Variants in ADGRL3 observed in about 807,000 individuals in gnomAD.
The protein encoded by ADGRL3 is calcium-independent alpha-latrotoxin receptor 3.
ADGRL3 carries 62 observed loss-of-function variants against 153.5 expected under a neutral mutation model. The observed-to-expected ratio is 0.40, with a 90% CI of 0.33 to 0.50. The LOEUF (loss-of-function observed/expected upper bound fraction) is 0.50. Among genes scored for constraint, ADGRL3 ranks in the 20% least tolerant of loss-of-function variants. The probability of loss-of-function intolerance (pLI) is 0.47; values close to 1 mark genes in which losing one functional copy is unlikely to be tolerated. For missense variants in ADGRL3, 1,641 were observed against 1,859.4 expected (o/e 0.88, Z 2.16); for synonymous variants, 710 against 672.5 (o/e 1.06, Z -0.86).
chr4:61,427,508 T>A (rs34759363), intron 2 of ADGRL3: 60,324 of 153,218 alleles, frequency 0.39, 12,435 homozygotes, highest in Middle Eastern at 0.57. Context: ...CATGCACTGC[T>A]GACACTGTTT....
At chr4:61,268,103 G>T (rs945031798) in intron 1 of ADGRL3, among the ~76,000 whole-genome samples, 5 of 151,400 alleles carry the variant, frequency 3.3e-5, no homozygotes, top group African/African-American at 1.2e-4. Context: ...TCTCAAACAC[G>T]GATTCAAGTT....
intron 9 of ADGRL3, among the ~76,000 whole-genome samples, chr4:61,874,934 G>A (rs1033103406): frequency 5.4e-5 from 8 of 148,564 alleles, no homozygotes; most frequent in Non-Finnish European, 1.0e-4. Context: ...TCAGCCTCCC[G>A]AGTAGCTGGG....
chr4:61,278,182 C>G (rs1271611869), intron 1 of ADGRL3, among the ~76,000 whole-genome samples: 1 of 152,036 alleles, frequency 6.6e-6, no homozygotes, highest in Non-Finnish European at 1.5e-5. Flanking sequence ...CTTTGGCTGC[C>G]TATAGTTATG....
chr4:61,910,619 A>G (rs1369129828), intron 12 of ADGRL3, among the ~76,000 whole-genome samples: 1 of 151,856 alleles, frequency 6.6e-6, no homozygotes, highest in African/African-American at 2.4e-5. Context: ...GAGATGTTCA[A>G]TGATTGAAAC....
At chr4:62,008,644 A>G (rs1372620881) in intron 21 of ADGRL3, among the ~76,000 whole-genome samples, 1 of 151,448 alleles carries the variant, frequency 6.6e-6, no homozygotes, top group Non-Finnish European at 1.5e-5. Context: ...TTTCTCCTTC[A>G]TATTAATATA....
chr4:61,290,565 G>T (rs1174969994), intron 1 of ADGRL3, among the ~76,000 whole-genome samples: 2 of 151,792 alleles, frequency 1.3e-5, no homozygotes, highest in Non-Finnish European at 2.9e-5. Flanking sequence ...GAACAATTGA[G>T]CCCAGGAGGT....
At chr4:61,377,504 T>C (rs1158883670) in intron 1 of ADGRL3, among the ~76,000 whole-genome samples, 1 of 152,034 alleles carries the variant, frequency 6.6e-6, no homozygotes, top group African/African-American at 2.4e-5. Flanking sequence ...AAATCAATTA[T>C]ATGTTTTTCA....
intron 5 of ADGRL3, among the ~76,000 whole-genome samples, chr4:61,622,950 C>T (rs182650300): frequency 6.6e-6 from 1 of 151,968 alleles, no homozygotes; most frequent in Admixed American, 6.6e-5. Flanking sequence ...ATGAGAAAAC[C>T]ACCTATTTCC....
At chr4:61,941,159 G>C (rs1395618090) in intron 15 of ADGRL3, among the ~76,000 whole-genome samples, 2 of 88,330 alleles carry the variant, frequency 2.3e-5, no homozygotes, top group Non-Finnish European at 4.2e-5. Context: ...TGGCTAGCCA[G>C]TTTTCCCAGC....
At chr4:61,307,322 A>T (rs1385948355) in intron 1 of ADGRL3, among the ~76,000 whole-genome samples, 3 of 152,290 alleles carry the variant, frequency 2.0e-5, no homozygotes, top group African/African-American at 7.2e-5. Context: ...CAATTCTGAG[A>T]TATTATGTCT....
intron 1 of ADGRL3, among the ~76,000 whole-genome samples, chr4:61,358,624 A>C (rs1267822913): frequency 1.3e-5 from 2 of 150,316 alleles, no homozygotes; most frequent in Non-Finnish European, 3.0e-5. Context: ...AAAAGAAAGC[A>C]GACCATTGAT....
intron 2 of ADGRL3, among the ~76,000 whole-genome samples, chr4:61,488,441 A>C (rs1410670484): frequency 2.0e-5 from 3 of 151,962 alleles, no homozygotes; most frequent in African/African-American, 7.2e-5. Flanking sequence ...TTAACCATAA[A>C]ATTCACTGAA....
intron 17 of ADGRL3, among the ~76,000 whole-genome samples, chr4:61,950,523 GTATAACAAGGC>G (rs2098943056): frequency 6.6e-6 from 1 of 152,146 alleles, no homozygotes; most frequent in Non-Finnish European, 1.5e-5. Flanking sequence ...TACACAATAA[GTATAACAAGGC>G]TAGTGTTTAA....
At chr4:61,872,094 A>G (rs2149395853) in intron 9 of ADGRL3, among the ~76,000 whole-genome samples, 1 of 152,318 alleles carries the variant, frequency 6.6e-6, no homozygotes, top group South Asian at 2.1e-4. Context: ...TGCCTGGCAC[A>G]CAGTGTATGT....
chr4:61,384,351 G>A (rs2096710374), intron 2 of ADGRL3, among the ~76,000 whole-genome samples: 1 of 151,460 alleles, frequency 6.6e-6, no homozygotes, highest in Admixed American at 6.6e-5. Flanking sequence ...AGTCACATTT[G>A]CAAACAATTA....
At chr4:61,985,776 C>T (rs1201932727) in intron 19 of ADGRL3, among the ~76,000 whole-genome samples, 1 of 152,012 alleles carries the variant, frequency 6.6e-6, no homozygotes, top group Non-Finnish European at 1.5e-5. Context: ...AGTATAGTGA[C>T]AGGCTATATA....
At chr4:61,242,914 C>T (rs952202121) in intron 1 of ADGRL3, among the ~76,000 whole-genome samples, 24 of 152,022 alleles carry the variant, frequency 1.6e-4, no homozygotes, top group African/African-American at 4.8e-4. Flanking sequence ...TTATGCAAGG[C>T]GCTTTTTAGC....
At chr4:61,639,092 T>G (rs560146397) in intron 5 of ADGRL3, among the ~76,000 whole-genome samples, 1 of 152,088 alleles carries the variant, frequency 6.6e-6, no homozygotes, top group East Asian at 1.9e-4. Context: ...CCAAAGACAA[T>G]AGTGAGGTTA....
intron 1 of ADGRL3, among the ~76,000 whole-genome samples, chr4:61,375,812 A>G (rs867595528): frequency 3.9e-5 from 6 of 152,230 alleles, no homozygotes; most frequent in Middle Eastern, 6.8e-3. Flanking sequence ...TTTAGAATTC[A>G]TATTTGTAGA....
Sources: gnomAD v4.1 joint callset for allele counts (sites outside exome capture counted in the v4.1 genomes callset) on GRCh38, gnomAD v4.1.1 for gene constraint, MANE v1.5 for transcripts, NCBI Gene and HGNC (gene_info 2026-07-23, HGNC 2026-07-21) for gene names.